The following RELN variants were observed in gnomAD, a reference collection of about 807,000 sequenced individuals.
RELN encodes the protein reelin.
In RELN, 108 loss-of-function variants were observed where a neutral mutation model predicts 427.6. That is an observed-to-expected ratio of 0.25 (90% CI 0.22 to 0.30). The LOEUF (loss-of-function observed/expected upper bound fraction) is 0.30. Ranked by LOEUF, RELN falls within the 10% of genes least tolerant of loss-of-function variation. The pLI is 1.00. For missense variants in RELN, 3,715 were observed against 4,302.8 expected (o/e 0.86, Z 3.82); for synonymous variants, 1,524 against 1,513.4 (o/e 1.01, Z -0.16).
intron 2 of RELN, among the ~76,000 whole-genome samples, chr7:103,894,453 C>T (rs1363380431): frequency 6.6e-6 from 1 of 152,078 alleles, no homozygotes; most frequent in Non-Finnish European, 1.5e-5. Flanking sequence ...GTACCCACGC[C>T]TTCATTAGTC....
intron 2 of RELN, among the ~76,000 whole-genome samples, chr7:103,836,148 G>A (rs1049566838): frequency 2.6e-5 from 4 of 151,754 alleles, no homozygotes; most frequent in Admixed American, 6.6e-5. Flanking sequence ...TGTATTTTTA[G>A]TAGAGATGGG....
intron 10 of RELN, 36 bp downstream of exon 10, chr7:103,697,817 G>T: frequency 3.7e-6 from 6 of 1,612,966 alleles, no homozygotes; most frequent in East Asian, 2.2e-5. Context: ...GGAGATGAAG[G>T]ATTAAAACAA....
rs114369028 is a variant in RELN, at chr7:103,945,229, A to G, written c.227-28044T>C. On this transcript the variant is annotated intron_variant, in intron 1 of 64. Transcript: ENST00000428762. ...CAGAACAAAATTGACCAATTTGACA[A>G]AATTGACAAAATTCACCTAACCCAA... Among the ~76,000 whole-genome samples the G allele has an allele frequency of 1.3e-3, 200 of 152,244 alleles. 1 individual carries two copies. Among genetic ancestry groups the G allele is most frequent in the African/African-American group, 4.5e-3 (189 of 41,556 alleles).
intron 2 of RELN, among the ~76,000 whole-genome samples, chr7:103,916,618 C>A (rs1584364096): frequency 6.6e-6 from 1 of 152,306 alleles, no homozygotes; most frequent in East Asian, 1.9e-4. Flanking sequence ...TAAGAATACT[C>A]ATAGAACTCA....
chr7:103,837,264 C>G (rs896256563), intron 2 of RELN, among the ~76,000 whole-genome samples: 1 of 152,156 alleles, frequency 6.6e-6, no homozygotes, highest in Non-Finnish European at 1.5e-5. Flanking sequence ...CATGTCAATC[C>G]CTGTGAAATC....
chr7:103,478,690 ATAT>A (rs1315066425), intron 63 of RELN, among the ~76,000 whole-genome samples: 1 of 152,190 alleles, frequency 6.6e-6, no homozygotes, highest in Non-Finnish European at 1.5e-5. Flanking sequence ...TAAATTATAA[ATAT>A]TAATAGCTTA....
At chr7:103,904,601 A>G (rs1795155217) in intron 2 of RELN, among the ~76,000 whole-genome samples, 1 of 152,164 alleles carries the variant, frequency 6.6e-6, no homozygotes, top group Non-Finnish European at 1.5e-5. Flanking sequence ...CTGACATGAA[A>G]ATTTTATTAA....
chr7:103,836,563 T>C lies in RELN; in HGVS notation c.338-2891A>G, dbSNP rs146551324. On this transcript the variant is annotated intron_variant, in intron 2 of 64. Coordinates refer to ENST00000428762, the MANE Select transcript of RELN (RefSeq NM_005045.4). ...CTCCAACCTCAGTTTCAGCACTTCT[T>C]GCCCCCATGTCTTGCCCACCTTCTT... Among the ~76,000 whole-genome samples, 1,285 of 152,242 alleles carry C rather than the reference T, an allele frequency of 8.4e-3. 16 individuals are homozygous for C. The highest frequency in any genetic ancestry group is 0.029 in the African/African-American group (1,194 of 41,544).
chr7:103,695,000 A>C (rs1238897828), intron 10 of RELN, among the ~76,000 whole-genome samples: 5 of 152,074 alleles, frequency 3.3e-5, no homozygotes, highest in Non-Finnish European at 5.9e-5. Context: ...TTGAACAAAA[A>C]ATACAACTCC....
intron 4 of RELN, among the ~76,000 whole-genome samples, chr7:103,774,570 GT>G (rs1408995390): frequency 1.3e-5 from 2 of 152,030 alleles, no homozygotes; most frequent in African/African-American, 4.8e-5. Context: ...GACTGCAATT[GT>G]TTTTCCTCTA....
chr7:103,531,043 G>A (rs746678358), intron 46 of RELN, among the ~76,000 whole-genome samples: 63 of 152,170 alleles, frequency 4.1e-4, no homozygotes, highest in Admixed American at 7.2e-4. Context: ...CTTAGTCTGA[G>A]GTTGAAGTCT....
chr7:103,731,597 T>C (rs1790356863), intron 6 of RELN, among the ~76,000 whole-genome samples: 1 of 152,150 alleles, frequency 6.6e-6, no homozygotes, highest in African/African-American at 2.4e-5. Flanking sequence ...AGTCAAACTC[T>C]AATTATTTTG....
In RELN at chr7:103,661,535, A is replaced by T. The variant is rs780427501; in HGVS notation, c.1290-8T>A. On this transcript the variant is annotated splice_polypyrimidine_tract_variant and splice_region_variant and intron_variant, in intron 11 of 64. Coordinates refer to ENST00000428762, the MANE Select transcript of RELN (RefSeq NM_005045.4). ...GCTCCCAAGACATCCCATCTAAAAA[A>T]AAAGGGGGATTAAGAGTTAGAGTTA... is the stretch of plus-strand genomic sequence containing the variant. The T allele has an allele frequency of 6.2e-7, 1 of 1,613,124 alleles. No homozygotes were observed. Among genetic ancestry groups the T allele is most frequent in the East Asian group, 2.2e-5 (1 of 44,742 alleles).
intron 2 of RELN, among the ~76,000 whole-genome samples, chr7:103,903,678 T>C (rs1795132486): frequency 6.6e-6 from 1 of 152,088 alleles, no homozygotes; most frequent in South Asian, 2.1e-4. Context: ...GATATGATTA[T>C]ATATGTTTCC....
At position 103,496,668 on chromosome 7, in the gene RELN, A is replaced by G. The variant is rs1828850763; in HGVS notation, c.9051T>C (p.Thr3017=). 6.2e-7 allele frequency: 1 copy of G among 1,614,072 alleles called. No individual in the cohort carries two copies. The highest frequency in any genetic ancestry group is 1.3e-5 in the African/African-American group (1 of 74,938). The change falls in exon 56 of 65, where the codon ACT becomes ACC. Residue 3017 remains threonine (T), a synonymous_variant. Transcript: ENST00000428762. ...CAAAAGGCTGCCACCAGCGAAGTCG[A>G]GTTGTGTTGGTGAGGGCATCTTCAG... ...LLPEDALTNT[T]RLRWWQPFVI...
intron 43 of RELN, 65 bp from the exon 44 acceptor site, chr7:103,540,520 A>C: frequency 6.7e-7 from 1 of 1,496,494 alleles, no homozygotes; most frequent in Non-Finnish European, 9.3e-7. Context: ...TTAACAACAG[A>C]CAAGCACATG....
intron 3 of RELN, 39 bp downstream of exon 3, chr7:103,833,498 T>G: frequency 6.4e-7 from 1 of 1,573,668 alleles, no homozygotes; most frequent in Middle Eastern, 1.7e-4. Flanking sequence ...TCCTAAGTAT[T>G]TGCCTTCTGT....
intron 10 of RELN, among the ~76,000 whole-genome samples, chr7:103,694,715 T>C (rs1000301623): frequency 3.9e-5 from 6 of 152,086 alleles, no homozygotes; most frequent in Non-Finnish European, 7.4e-5. Flanking sequence ...CTTGGAAATT[T>C]TTTTTTCAGA....
At chr7:103,724,329 A>G (rs1209133587) in intron 7 of RELN, among the ~76,000 whole-genome samples, 2 of 152,158 alleles carry the variant, frequency 1.3e-5, no homozygotes, top group African/African-American at 2.4e-5. Flanking sequence ...GTGCTATACA[A>G]TTCATGAAGA....
Sources: gnomAD v4.1 joint callset for allele counts (sites outside exome capture counted in the v4.1 genomes callset) on GRCh38, gnomAD v4.1.1 for gene constraint, MANE v1.5 for transcripts, NCBI Gene and HGNC (gene_info 2026-07-23, HGNC 2026-07-21) for gene names.